Variants in XRCC1 observed in about 807,000 individuals in gnomAD.
The protein encoded by XRCC1 is DNA repair protein XRCC1.
XRCC1 carries 52 observed loss-of-function variants against 83.3 expected under a neutral mutation model. The ratio of observed to expected loss-of-function variants is 0.62; its 90% confidence interval spans 0.50 to 0.79. The LOEUF is 0.79. XRCC1 is among the 30% of genes least tolerant of loss of function. The probability of loss-of-function intolerance (pLI) is 0.00; values close to 1 mark genes in which losing one functional copy is unlikely to be tolerated. For missense variants in XRCC1, 793 were observed against 823.5 expected (o/e 0.96, Z 0.45); for synonymous variants, 281 against 312.6 (o/e 0.90, Z 1.07).
chr19:43,571,653 G>A (rs1005509161), intron 2 of XRCC1, among the ~76,000 whole-genome samples: 4 of 152,198 alleles, frequency 2.6e-5, no homozygotes, highest in Non-Finnish European at 4.4e-5. Context: ...ACAGGCATAG[G>A]CCACCACGCT....
intron 2 of XRCC1, among the ~76,000 whole-genome samples, chr19:43,572,246 T>A (rs1179347624): frequency 6.6e-6 from 1 of 152,182 alleles, no homozygotes; most frequent in Non-Finnish European, 1.5e-5. Flanking sequence ...GAGAGCCCAG[T>A]GGAATCATCA....
At position 43,545,924 on chromosome 19, in the gene XRCC1, A is replaced by T. The variant is rs773481172; in HGVS notation, c.1515T>A (p.Pro505=). The change falls in exon 14 of 17, where the codon CCT becomes CCA. Residue 505 remains proline, a synonymous_variant. Transcript: ENST00000262887. ...VAEQKEHRLP[P]GQEENGEDPY... ...GGTCTTCCCCATTCTCCTCCTGGCC[A>T]GGGGGCAGTCTGTGTTCCTTCTGCT... 6.4e-5 allele frequency: 104 copies of T among 1,613,792 alleles called. No homozygotes were observed.
At chr19:43,546,849 C>T (rs377109819) in intron 11 of XRCC1, 35 bp downstream of exon 11, 36 of 1,611,008 alleles carry the variant, frequency 2.2e-5, no homozygotes, top group Non-Finnish European at 3.0e-5. Flanking sequence ...CATCCTCCCA[C>T]TACACCCTCC....
In XRCC1 at chr19:43,543,480, GCCAGGGAGGGGTTGT is replaced by G. The variant is rs911675465; in HGVS notation, c.1799_1813del (p.Asp600_Leu604del). ...GTAGATCCATCGGGGACGAACGAATGCCAGGGAGGGGTTGTCCATCAGGGCCTGCAGGGTGGGGTG... is the reference window on the plus strand; with the variant it reads ...GTAGATCCATCGGGGACGAACGAATGCCATCAGGGCCTGCAGGGTGGGGTG... On this transcript the variant is annotated inframe_deletion, in exon 17 of 17. Transcript: ENST00000262887. 3.0e-5 allele frequency: 48 copies of G among 1,613,724 alleles called. No individual in the cohort carries two copies. Among genetic ancestry groups the G allele is most frequent in the Non-Finnish European group, 4.1e-5 (48 of 1,179,984 alleles).
intron 2 of XRCC1, among the ~76,000 whole-genome samples, chr19:43,573,295 T>C (rs954736297): frequency 6.6e-6 from 1 of 152,116 alleles, no homozygotes; most frequent in Non-Finnish European, 1.5e-5. Context: ...TTCCATGAGA[T>C]TCCACAGTTT....
chr19:43,575,210 A>AT (rs1280225102), intron 1 of XRCC1, among the ~76,000 whole-genome samples, 198 bp downstream of exon 1: 6 of 152,056 alleles, frequency 3.9e-5, no homozygotes, highest in African/African-American at 1.4e-4. Context: ...AAGCTTCCCT[A>AT]TTCCTCCTTT....
chr19:43,544,054 T>G (rs1331807510), intron 15 of XRCC1, 90 bp downstream of exon 15: 2 of 1,279,190 alleles, frequency 1.6e-6, no homozygotes, highest in African/African-American at 3.0e-5. Context: ...CTGATGGTCT[T>G]CTTTCCCACA....
chr19:43,544,366 G>A, intron 14 of XRCC1, 132 bp from the exon 15 acceptor site: 1 of 760,456 alleles, frequency 1.3e-6, no homozygotes, highest in East Asian at 2.7e-5. Flanking sequence ...ATGGCAGGCA[G>A]TGGACCCTGC....
In XRCC1 at chr19:43,575,069, T is replaced by C. The variant is rs1040371062; in HGVS notation, c.52-67A>G. The stretch of plus-strand genomic sequence containing the variant: ...GACAGCTAGGCCTCCAGCTCTCAGA[T>C]GATTCCTTTGAGTCCTCCCAAGGCC... On this transcript the variant is annotated intron_variant, in intron 1 of 16. Coordinates refer to ENST00000262887, the MANE Select transcript of XRCC1 (RefSeq NM_006297.3). 2.5e-5 allele frequency: 34 copies of C among 1,333,948 alleles called. No individual in the cohort carries two copies. In the South Asian group the frequency reaches 3.7e-4, roughly 15 times the overall value. 82.6% of individuals were successfully genotyped at this position (1,333,948 alleles called of 1,614,324 possible). A position where few individuals can be genotyped will look rare whatever the true frequency, so the allele number is the denominator to read the frequency against.
At chr19:43,572,728 GA>G (rs1425519175) in intron 2 of XRCC1, among the ~76,000 whole-genome samples, 3 of 152,112 alleles carry the variant, frequency 2.0e-5, no homozygotes, top group Admixed American at 1.3e-4. Flanking sequence ...TCAGAAGGCT[GA>G]GGCATGAGAA....
chr19:43,568,531 A>C (rs1972776234), intron 2 of XRCC1, among the ~76,000 whole-genome samples: 1 of 152,146 alleles, frequency 6.6e-6, no homozygotes, highest in African/African-American at 2.4e-5. Context: ...TAAATAAATA[A>C]ATAAATAAAT....
chr19:43,572,013 G>C (rs1024889023), intron 2 of XRCC1, among the ~76,000 whole-genome samples: 9 of 152,110 alleles, frequency 5.9e-5, no homozygotes, highest in African/African-American at 2.2e-4. Flanking sequence ...GCCACCCCTA[G>C]AATGTCCCAA....
At chr19:43,544,568 G>A (rs1024341803) in intron 14 of XRCC1, among the ~76,000 whole-genome samples, 2 of 151,370 alleles carry the variant, frequency 1.3e-5, no homozygotes, top group African/African-American at 4.9e-5. Flanking sequence ...GTGCAGTGGC[G>A]TGATCTTGCC....
intron 2 of XRCC1, among the ~76,000 whole-genome samples, chr19:43,570,373 G>A (rs1218006442): frequency 6.6e-6 from 1 of 152,202 alleles, no homozygotes; most frequent in Non-Finnish European, 1.5e-5. Context: ...GCCTGCTGTG[G>A]CTACTGCAAA....
intron 3 of XRCC1, among the ~76,000 whole-genome samples, chr19:43,559,376 C>T (rs1972673079): frequency 1.4e-5 from 2 of 142,046 alleles, no homozygotes; most frequent in South Asian, 4.6e-4. Flanking sequence ...CCAGCTACTC[C>T]GGAGGCTGAG....
intron 3 of XRCC1, among the ~76,000 whole-genome samples, chr19:43,558,327 C>T (rs1406130350): frequency 2.2e-5 from 2 of 91,674 alleles, no homozygotes; most frequent in African/African-American, 8.9e-5. Context: ...AAAGTGAGAC[C>T]TCGTTTCAAA....
chr19:43,560,254 G>C (rs559244168), intron 3 of XRCC1, among the ~76,000 whole-genome samples: 3 of 151,936 alleles, frequency 2.0e-5, no homozygotes, highest in Non-Finnish European at 4.4e-5. Flanking sequence ...AAGTTAGCCG[G>C]GCGTGGTGGT....
chr19:43,543,492 T>G lies in XRCC1; in HGVS notation c.1802A>C (p.Asn601Thr). The G allele has an allele frequency of 7.4e-6, 12 of 1,613,108 alleles. No individual in the cohort carries two copies. Among genetic ancestry groups the G allele is most frequent in the Non-Finnish European group, 1.0e-5 (12 of 1,179,716 alleles). Residue 601 changes from asparagine (N) to threonine (T), a missense_variant, in exon 17 of 17, where the codon AAC (asparagine) becomes ACC (threonine). Physicochemically the swap from Asn to Thr is moderately conservative, Grantham distance 65. Coordinates refer to ENST00000262887, the MANE Select transcript of XRCC1 (RefSeq NM_006297.3). ...GGGACGAACGAATGCCAGGGAGGGG[T>G]TGTCCATCAGGGCCTGCAGGGTGGG... The part of the protein sequence containing the change: ...DPSFEEALMD[N>T]PSLAFVRPRW...
intron 3 of XRCC1, among the ~76,000 whole-genome samples, chr19:43,558,721 A>G (rs1972664957): frequency 6.6e-6 from 1 of 152,104 alleles, no homozygotes; most frequent in South Asian, 2.1e-4. Context: ...GCATAAAGAA[A>G]ACTATACATA....
Sources: gnomAD v4.1 joint callset for allele counts (sites outside exome capture counted in the v4.1 genomes callset) on GRCh38, gnomAD v4.1.1 for gene constraint, MANE v1.5 for transcripts, NCBI Gene and HGNC (gene_info 2026-07-23, HGNC 2026-07-21) for gene names.